Variants in PRELID2 observed in about 807,000 individuals in gnomAD.
PRELID2 encodes the protein PRELI domain containing 2.
A neutral mutation model predicts 28.4 loss-of-function variants in PRELID2; 25 were observed. The observed-to-expected ratio is 0.88, with a 90% CI of 0.64 to 1.23. PRELID2 has a LOEUF of 1.23. PRELID2 is among the 50% of genes most tolerant of loss of function. PRELID2 has a pLI of 0.00. For synonymous variants in PRELID2, 76 were observed against 71.6 expected (o/e 1.06, Z -0.31); for missense variants, 201 against 214.4 (o/e 0.94, Z 0.39).
At chr5:145,443,760 G>T in the PRELID2 span, among the ~76,000 whole-genome samples, 1 of 152,032 alleles carries the variant, frequency 6.6e-6, no homozygotes, top group African/African-American at 2.4e-5. Flanking sequence ...CAAGAAAACT[G>T]AAGATCAGAG....
chr5:145,385,347 CTGAGT>C, the PRELID2 span, among the ~76,000 whole-genome samples: 3 of 152,246 alleles, frequency 2.0e-5, no homozygotes, highest in South Asian at 2.1e-4. Context: ...TATCACTGCC[CTGAGT>C]TATTTGTCTA....
At chr5:145,288,772 C>T in the PRELID2 span, among the ~76,000 whole-genome samples, 1 of 152,010 alleles carries the variant, frequency 6.6e-6, no homozygotes, top group East Asian at 1.9e-4. Flanking sequence ...CTGAGGTATC[C>T]AACTCTAATC....
chr5:145,332,716 C>CT, the PRELID2 span, among the ~76,000 whole-genome samples: 40,726 of 151,678 alleles, frequency 0.27, 5,603 homozygotes, highest in South Asian at 0.33. Context: ...TTAGAACATG[C>CT]TTTTTTAACT....
At chr5:145,732,195 G>A (rs573268668) in intron 1 of PRELID2, among the ~76,000 whole-genome samples, 1 of 152,170 alleles carries the variant, frequency 6.6e-6, no homozygotes, top group Non-Finnish European at 1.5e-5. Flanking sequence ...AACACATTTT[G>A]CAGTCCTTTA....
At chr5:145,416,621 C>T in the PRELID2 span, among the ~76,000 whole-genome samples, 1 of 152,052 alleles carries the variant, frequency 6.6e-6, no homozygotes, top group Non-Finnish European at 1.5e-5. Context: ...AGACAATGTA[C>T]CTGAATCTCT....
intron 1 of PRELID2, among the ~76,000 whole-genome samples, chr5:145,545,934 G>A (rs1752783367): frequency 6.6e-6 from 1 of 152,124 alleles, no homozygotes; most frequent in South Asian, 2.1e-4. Context: ...CATAGAAGTG[G>A]AAAGTGGCAT....
intron 1 of PRELID2, among the ~76,000 whole-genome samples, chr5:145,474,544 T>A (rs1752082414): frequency 6.6e-6 from 1 of 152,170 alleles, no homozygotes; most frequent in Non-Finnish European, 1.5e-5. Context: ...GAACCCATGC[T>A]CTGGAGTGGC....
intron 5 of PRELID2, among the ~76,000 whole-genome samples, chr5:145,790,836 TA>T (rs1752334661): frequency 2.0e-5 from 3 of 148,132 alleles, no homozygotes; most frequent in African/African-American, 7.4e-5. Flanking sequence ...AAAAACCTTT[TA>T]AATGAGTCCT....
chr5:145,806,397 G>C (rs145010208), intron 4 of PRELID2, among the ~76,000 whole-genome samples: 2 of 152,046 alleles, frequency 1.3e-5, no homozygotes, highest in African/African-American at 4.8e-5. Flanking sequence ...CAATATCACT[G>C]TCTCCCACCT....
intron 1 of PRELID2, among the ~76,000 whole-genome samples, chr5:145,669,802 C>A (rs536508095): frequency 1.6e-3 from 245 of 152,150 alleles, no homozygotes; most frequent in Non-Finnish European, 2.7e-3. Context: ...CTTGGGAATT[C>A]TTCTTCTACT....
chr5:145,822,829 A>C (rs1456389496), intron 2 of PRELID2, among the ~76,000 whole-genome samples: 1 of 152,218 alleles, frequency 6.6e-6, no homozygotes, highest in African/African-American at 2.4e-5. Flanking sequence ...ATCAATTATT[A>C]GTTAGAAAGT....
the PRELID2 span, among the ~76,000 whole-genome samples, chr5:145,264,846 C>T: frequency 2.6e-5 from 4 of 151,260 alleles, no homozygotes; most frequent in South Asian, 2.1e-4. Context: ...TGGTGGTGGG[C>T]GGCTATGATC....
intron 1 of PRELID2, among the ~76,000 whole-genome samples, chr5:145,649,039 G>C (rs1754243399): frequency 6.6e-6 from 1 of 151,812 alleles, no homozygotes; most frequent in Non-Finnish European, 1.5e-5. Context: ...AAATCCATAG[G>C]TTTCCATATT....
chr5:145,312,431 C>T, the PRELID2 span, among the ~76,000 whole-genome samples: 2 of 152,054 alleles, frequency 1.3e-5, no homozygotes, highest in African/African-American at 4.8e-5. Flanking sequence ...CCATGCTGTA[C>T]AGTCAATCTC....
At chr5:145,236,244 C>T in the PRELID2 span, among the ~76,000 whole-genome samples, 1 of 152,144 alleles carries the variant, frequency 6.6e-6, no homozygotes, top group Non-Finnish European at 1.5e-5. Flanking sequence ...AGCTGTGTCT[C>T]TTGCAGTATC....
chr5:145,278,330 C>T, the PRELID2 span, among the ~76,000 whole-genome samples: 1 of 152,160 alleles, frequency 6.6e-6, no homozygotes, highest in African/African-American at 2.4e-5. Context: ...GTAGTCCAAG[C>T]ACAGCTGGGT....
chr5:145,652,893 C>T (rs1268072900), intron 1 of PRELID2, among the ~76,000 whole-genome samples: 1 of 152,152 alleles, frequency 6.6e-6, no homozygotes, highest in African/African-American at 2.4e-5. Context: ...CAAATTCACA[C>T]ATAACGATAT....
At chr5:145,376,365 G>A in the PRELID2 span, among the ~76,000 whole-genome samples, 1 of 152,016 alleles carries the variant, frequency 6.6e-6, no homozygotes, top group Non-Finnish European at 1.5e-5. Context: ...CTCTTTTTCT[G>A]TTATGTCTTT....
chr5:145,648,625 C>A (rs1422121411), intron 1 of PRELID2, among the ~76,000 whole-genome samples: 1 of 148,194 alleles, frequency 6.7e-6, no homozygotes, highest in Non-Finnish European at 1.5e-5. Context: ...TGAGTTTAGG[C>A]GGTTTTTTTG....
Sources: allele counts gnomAD v4.1 joint callset (sites outside exome capture counted in the v4.1 genomes callset), GRCh38; gene constraint gnomAD v4.1.1; transcripts MANE v1.5; gene names NCBI Gene and HGNC (gene_info 2026-07-23, HGNC 2026-07-21).